The following CTNNA2 variants were observed in gnomAD, a reference collection of about 807,000 sequenced individuals.
CTNNA2 encodes the protein catenin alpha 2.
CTNNA2 carries 42 observed loss-of-function variants against 101.0 expected under a neutral mutation model. The observed-to-expected ratio is 0.42, with a 90% CI of 0.32 to 0.54. CTNNA2 has a LOEUF of 0.54. Among genes scored for constraint, CTNNA2 ranks in the 20% least tolerant of loss-of-function variants. CTNNA2 has a pLI of 0.14. For missense variants in CTNNA2, 871 were observed against 1,223.1 expected, an observed-to-expected ratio of 0.71 and a Z score of 4.29; for synonymous variants, 450 against 456.4, an observed-to-expected ratio of 0.99 and a Z score of 0.18.
At chr2:79,297,898 A>G (rs185689619) in intron 2 of CTNNA2, among the ~76,000 whole-genome samples, 5 of 152,322 alleles carry the variant, frequency 3.3e-5, no homozygotes, top group Admixed American at 6.5e-5. Context: ...AACTGCAAAT[A>G]GTTACTCATC....
At chr2:80,119,747 T>C (rs1701727849) in intron 7 of CTNNA2, among the ~76,000 whole-genome samples, 1 of 152,212 alleles carries the variant, frequency 6.6e-6, no homozygotes. Flanking sequence ...CATCTATAAC[T>C]ACATTTTTAT....
At chr2:79,675,552 A>G (rs1683125922) in intron 2 of CTNNA2, among the ~76,000 whole-genome samples, 1 of 152,240 alleles carries the variant, frequency 6.6e-6, no homozygotes, top group South Asian at 2.1e-4. Context: ...ATTTGCACAG[A>G]ACGCAGTTTT....
intron 6 of CTNNA2, among the ~76,000 whole-genome samples, chr2:79,900,763 T>C (rs1264988096): frequency 6.6e-6 from 1 of 152,132 alleles, no homozygotes; most frequent in African/African-American, 2.4e-5. Context: ...GAGCCAATAA[T>C]AATTCATAAT....
intron 7 of CTNNA2, among the ~76,000 whole-genome samples, chr2:80,293,167 G>A (rs1170663893): frequency 1.3e-5 from 2 of 152,220 alleles, no homozygotes; most frequent in Non-Finnish European, 2.9e-5. Context: ...GCAGCTGAGG[G>A]ACAAATGACA....
intron 7 of CTNNA2, among the ~76,000 whole-genome samples, chr2:80,100,097 A>AT (rs60240919): frequency 0.084 from 12,785 of 151,618 alleles, 567 homozygotes; most frequent in African/African-American, 0.11. Context: ...GCCCAGCTAC[A>AT]TTTTTTTTGT....
intron 17 of CTNNA2, among the ~76,000 whole-genome samples, chr2:80,614,272 T>A (rs191776984): frequency 3.9e-4 from 59 of 151,396 alleles, no homozygotes; most frequent in Admixed American, 2.7e-3. Flanking sequence ...AACCTGGGAT[T>A]GAAAATATTT....
intron 2 of CTNNA2, among the ~76,000 whole-genome samples, chr2:79,260,895 TA>T (rs1478603237): frequency 1.3e-5 from 2 of 152,156 alleles, no homozygotes; most frequent in Non-Finnish European, 2.9e-5. Flanking sequence ...TAATGGTAGA[TA>T]TTTTATATAG....
intron 7 of CTNNA2, among the ~76,000 whole-genome samples, chr2:79,925,499 C>T (rs960676770): frequency 6.6e-6 from 1 of 152,054 alleles, no homozygotes. Flanking sequence ...AAATTTAACA[C>T]CCATTCACCA....
intron 7 of CTNNA2, among the ~76,000 whole-genome samples, chr2:80,047,748 G>T (rs1343276345): frequency 1.3e-5 from 2 of 152,188 alleles, no homozygotes; most frequent in Non-Finnish European, 2.9e-5. Context: ...GGAATCCTGG[G>T]TCTGACTAGA....
intron 9 of CTNNA2, among the ~76,000 whole-genome samples, chr2:80,517,078 A>G (rs1689167031): frequency 6.6e-6 from 1 of 152,162 alleles, no homozygotes; most frequent in Non-Finnish European, 1.5e-5. Flanking sequence ...CTGCACAGAA[A>G]GGTAAAAAGA....
intron 1 of CTNNA2, among the ~76,000 whole-genome samples, chr2:79,649,971 T>C (rs1681102131): frequency 6.6e-6 from 1 of 152,024 alleles, no homozygotes; most frequent in African/African-American, 2.4e-5. Flanking sequence ...TCTACATTGA[T>C]TTATAAGGTT....
chr2:79,189,664 A>C (rs1173142781), intron 1 of CTNNA2, among the ~76,000 whole-genome samples: 2 of 152,202 alleles, frequency 1.3e-5, no homozygotes, highest in African/African-American at 4.8e-5. Context: ...TACACAAAGG[A>C]AAAGTAAACT....
intron 9 of CTNNA2, among the ~76,000 whole-genome samples, chr2:80,443,432 A>C (rs1682771285): frequency 1.3e-5 from 2 of 152,216 alleles, no homozygotes; most frequent in Non-Finnish European, 2.9e-5. Flanking sequence ...TTGAAGGGGA[A>C]ACAGAATAAG....
At chr2:80,449,532 T>A (rs1026200663) in intron 9 of CTNNA2, among the ~76,000 whole-genome samples, 1 of 152,198 alleles carries the variant, frequency 6.6e-6, no homozygotes, top group Non-Finnish European at 1.5e-5. Context: ...TAATGGATCC[T>A]CCTCTTGGTA....
intron 1 of CTNNA2, among the ~76,000 whole-genome samples, chr2:79,629,188 C>T (rs536201514): frequency 6.6e-6 from 1 of 152,114 alleles, no homozygotes; most frequent in African/African-American, 2.4e-5. Flanking sequence ...TTTTTATCAG[C>T]AAGATAAATT....
intron 7 of CTNNA2, among the ~76,000 whole-genome samples, chr2:80,316,495 G>A (rs9677203): frequency 0.019 from 2,957 of 152,124 alleles, 79 homozygotes; most frequent in African/African-American, 0.064. Context: ...TGCAAGTCTC[G>A]GGATACTCTT....
intron 7 of CTNNA2, among the ~76,000 whole-genome samples, chr2:79,999,588 T>G (rs2103951102): frequency 6.6e-6 from 1 of 152,310 alleles, no homozygotes; most frequent in Admixed American, 6.5e-5. Context: ...TTCTATACAT[T>G]ATTTTATTTA....
intron 1 of CTNNA2, among the ~76,000 whole-genome samples, chr2:79,534,309 G>A (rs575393590): frequency 4.3e-4 from 66 of 152,078 alleles, no homozygotes; most frequent in African/African-American, 1.3e-3. Context: ...AATGAACACC[G>A]TTGGGCGCAT....
chr2:79,576,329 T>C (rs1271537099), intron 1 of CTNNA2, among the ~76,000 whole-genome samples: 8 of 152,190 alleles, frequency 5.3e-5, no homozygotes, highest in Non-Finnish European at 1.2e-4. Flanking sequence ...GAATGAAAAT[T>C]TCACCTTTTT....
Sources: allele counts gnomAD v4.1 joint callset (sites outside exome capture counted in the v4.1 genomes callset), GRCh38; gene constraint gnomAD v4.1.1; transcripts MANE v1.5; gene names NCBI Gene and HGNC (gene_info 2026-07-23, HGNC 2026-07-21).